Variants in TSHZ2 observed in about 807,000 individuals in gnomAD.
The protein encoded by TSHZ2 is teashirt homolog 2.
In TSHZ2, 21 loss-of-function variants were observed where a neutral mutation model predicts 74.4. That is an observed-to-expected ratio of 0.28 (90% CI 0.20 to 0.41). The LOEUF is 0.41. Ranked by LOEUF, TSHZ2 falls within the 10% of genes least tolerant of loss-of-function variation. TSHZ2 has a pLI of 1.00. For missense variants in TSHZ2, 1,244 were observed against 1,293.5 expected (o/e 0.96, Z 0.59); for synonymous variants, 540 against 515.3 (o/e 1.05, Z -0.65).
At chr20:53,135,402 C>T (rs528609925) in intron 1 of TSHZ2, among the ~76,000 whole-genome samples, 1 of 152,202 alleles carries the variant, frequency 6.6e-6, no homozygotes, top group South Asian at 2.1e-4. Context: ...CAGTAATTAA[C>T]CTTTGGGGAC....
At chr20:53,358,329 CTTTTTTTTTT>C (rs57906027) in intron 2 of TSHZ2, among the ~76,000 whole-genome samples, 2 of 67,048 alleles carry the variant, frequency 3.0e-5, no homozygotes, top group East Asian at 4.6e-4. Context: ...TTCTGTGGTT[CTTTTTTTTTT>C]TTTTTTTTTT....
intron 2 of TSHZ2, among the ~76,000 whole-genome samples, chr20:53,365,643 A>G (rs1029841149): frequency 2.0e-5 from 3 of 152,212 alleles, no homozygotes; most frequent in Non-Finnish European, 4.4e-5. Context: ...GGCAGTGGTC[A>G]TTGAAGTGAA....
chr20:53,391,697 C>T (rs1374097801), intron 2 of TSHZ2, among the ~76,000 whole-genome samples: 2 of 152,162 alleles, frequency 1.3e-5, no homozygotes, highest in Admixed American at 6.5e-5. Context: ...AATCCCAACA[C>T]TTTGGGAGGC....
At chr20:53,167,841 G>C (rs1988098984) in intron 1 of TSHZ2, among the ~76,000 whole-genome samples, 1 of 152,134 alleles carries the variant, frequency 6.6e-6, no homozygotes. Flanking sequence ...TGACAAATGT[G>C]ACATTAGCAC....
intron 1 of TSHZ2, among the ~76,000 whole-genome samples, chr20:53,124,102 G>A (rs139886006): frequency 1.7e-4 from 26 of 152,186 alleles, no homozygotes; most frequent in East Asian, 1.4e-3. Context: ...CCCTTTTAGC[G>A]TCAGCCAGTG....
chr20:53,314,645 A>G (rs1372722283), intron 2 of TSHZ2, among the ~76,000 whole-genome samples: 1 of 137,558 alleles, frequency 7.3e-6, no homozygotes, highest in Non-Finnish European at 1.5e-5. Context: ...TTTTTTTGAG[A>G]CAGAGTCTCA....
chr20:53,275,834 G>A (rs554726800), intron 2 of TSHZ2, among the ~76,000 whole-genome samples: 2 of 152,318 alleles, frequency 1.3e-5, no homozygotes, highest in East Asian at 3.9e-4. Flanking sequence ...GACTGAGGCA[G>A]GAGAATCGCT....
intron 2 of TSHZ2, among the ~76,000 whole-genome samples, chr20:53,392,795 A>G (rs1003416436): frequency 6.6e-6 from 1 of 151,998 alleles, no homozygotes; most frequent in Admixed American, 6.6e-5. Flanking sequence ...TGTACAGATA[A>G]TTTTGTCACC....
intron 2 of TSHZ2, among the ~76,000 whole-genome samples, chr20:53,303,618 A>G (rs1342336605): frequency 6.6e-6 from 1 of 152,174 alleles, no homozygotes; most frequent in Non-Finnish European, 1.5e-5. Flanking sequence ...GAGTTCCCAG[A>G]AATTGTATTT....
intron 2 of TSHZ2, among the ~76,000 whole-genome samples, chr20:53,383,691 G>A (rs1229248426): frequency 1.3e-4 from 20 of 152,140 alleles, no homozygotes; most frequent in Non-Finnish European, 4.4e-5. Flanking sequence ...AACCCTGGAG[G>A]TGGAAGTTGC....
intron 2 of TSHZ2, among the ~76,000 whole-genome samples, chr20:53,434,742 T>C (rs1983980828): frequency 6.6e-6 from 1 of 152,210 alleles, no homozygotes; most frequent in African/African-American, 2.4e-5. Flanking sequence ...GTTTAGAGTT[T>C]GTGGGCATTG....
intron 1 of TSHZ2, among the ~76,000 whole-genome samples, chr20:52,987,676 C>T (rs558660074): frequency 6.6e-6 from 1 of 152,182 alleles, no homozygotes; most frequent in South Asian, 2.1e-4. Context: ...TGTGTTACAG[C>T]GAGGAAATGC....
At chr20:53,236,517 C>T (rs1600759142) in intron 1 of TSHZ2, among the ~76,000 whole-genome samples, 1 of 152,172 alleles carries the variant, frequency 6.6e-6, no homozygotes, top group Non-Finnish European at 1.5e-5. Context: ...AATGGCAGGG[C>T]ATCATGGAAA....
chr20:53,086,165 G>A (rs116041198), intron 1 of TSHZ2, among the ~76,000 whole-genome samples: 2,096 of 152,240 alleles, frequency 0.014, 61 homozygotes, highest in African/African-American at 0.048. Flanking sequence ...CTCTTCAAAG[G>A]AAACTAAGCA....
chr20:53,190,086 AATATAT>A (rs544193424), intron 1 of TSHZ2, among the ~76,000 whole-genome samples: 935 of 24,904 alleles, frequency 0.038, 34 homozygotes, highest in Non-Finnish European at 0.067. Context: ...CCCTGTCTCA[AATATAT>A]ATATATATAT....
intron 1 of TSHZ2, among the ~76,000 whole-genome samples, chr20:53,202,889 G>T (rs996601166): frequency 3.3e-5 from 5 of 152,090 alleles, no homozygotes; most frequent in African/African-American, 1.2e-4. Flanking sequence ...GTGCTTTTCT[G>T]TTTCAGGAGA....
At chr20:53,238,447 A>T (rs1013422305) in intron 1 of TSHZ2, among the ~76,000 whole-genome samples, 44 of 152,120 alleles carry the variant, frequency 2.9e-4, no homozygotes, top group African/African-American at 1.1e-3. Context: ...TCCACCTTTG[A>T]GTCATAGGTT....
intron 1 of TSHZ2, among the ~76,000 whole-genome samples, chr20:53,138,120 T>G (rs58660622): frequency 1.3e-5 from 2 of 152,078 alleles, no homozygotes; most frequent in Admixed American, 1.3e-4. Flanking sequence ...CAGTGGCTCA[T>G]GCCTGTAATC....
At chr20:53,316,903 GTTTCT>G (rs1437180266) in intron 2 of TSHZ2, among the ~76,000 whole-genome samples, 7 of 151,990 alleles carry the variant, frequency 4.6e-5, no homozygotes, top group Non-Finnish European at 8.8e-5. Context: ...ACAATAAATG[GTTTCT>G]TTTATTTTTT....
Sources: gnomAD v4.1 joint callset for allele counts (sites outside exome capture counted in the v4.1 genomes callset) on GRCh38, gnomAD v4.1.1 for gene constraint, MANE v1.5 for transcripts, NCBI Gene and HGNC (gene_info 2026-07-23, HGNC 2026-07-21) for gene names.